Variants in ZDHHC21 observed in about 807,000 individuals in gnomAD.
The protein encoded by ZDHHC21 is zDHHC palmitoyltransferase 21, also known as palmitoyltransferase ZDHHC21.
In ZDHHC21, 15 loss-of-function variants were observed where a neutral mutation model predicts 34.6. That is an observed-to-expected ratio of 0.43 (90% CI 0.29 to 0.67). ZDHHC21 has a LOEUF of 0.67. Ranked by LOEUF, ZDHHC21 falls within the 30% of genes least tolerant of loss-of-function variation. The probability of loss-of-function intolerance (pLI) is 0.14; values close to 1 mark genes in which losing one functional copy is unlikely to be tolerated. For synonymous variants in ZDHHC21, 142 were observed against 101.8 expected (o/e 1.40, Z -2.38); for missense variants, 344 against 327.7 (o/e 1.05, Z -0.38).
intron 7 of ZDHHC21, among the ~76,000 whole-genome samples, chr9:14,652,639 T>C (rs1450560582): frequency 6.6e-6 from 1 of 151,764 alleles, no homozygotes; most frequent in East Asian, 1.9e-4. Context: ...AAGAGAGAAA[T>C]GGAAGAAAAT....
At chr9:14,693,129 CG>C (rs1176679354) in intron 1 of ZDHHC21, 99 bp downstream of exon 1, 6 of 182,196 alleles carry the variant, frequency 3.3e-5, no homozygotes, top group African/African-American at 1.8e-4. Context: ...GAGCGGCGGG[CG>C]GGCCCGGCAG....
intron 5 of ZDHHC21, among the ~76,000 whole-genome samples, chr9:14,664,738 A>T (rs545840046): frequency 2.6e-5 from 4 of 152,146 alleles, no homozygotes; most frequent in Admixed American, 2.0e-4. Context: ...GCAGGGGCAC[A>T]CTGACATCTC....
chr9:14,652,883 T>C (rs1393185506), intron 7 of ZDHHC21, among the ~76,000 whole-genome samples: 2 of 151,988 alleles, frequency 1.3e-5, no homozygotes, highest in East Asian at 3.9e-4. Flanking sequence ...CTTTCTCTTC[T>C]GACCCAGGCA....
At chr9:14,692,798 G>A (rs549568870) in intron 1 of ZDHHC21, among the ~76,000 whole-genome samples, 13 of 142,318 alleles carry the variant, frequency 9.1e-5, no homozygotes, top group Non-Finnish European at 1.4e-4. Flanking sequence ...AAAAGCTCTG[G>A]AATAGCACAG....
At chr9:14,601,300 A>T in the ZDHHC21 span, among the ~76,000 whole-genome samples, 6 of 152,236 alleles carry the variant, frequency 3.9e-5, no homozygotes, top group Non-Finnish European at 8.8e-5. Context: ...AAACCAACTT[A>T]CAAGAAAAAA....
the ZDHHC21 span, among the ~76,000 whole-genome samples, chr9:14,597,024 C>T: frequency 6.6e-6 from 1 of 152,148 alleles, no homozygotes; most frequent in African/African-American, 2.4e-5. Flanking sequence ...GTACACTTTT[C>T]CATTGTGAAC....
rs1823766291 is a variant in ZDHHC21 at position 14,614,014 on chromosome 9, A to C, written c.*4952T>G. 6.6e-6 allele frequency: 1 copy of C among 151,800 alleles called. No homozygotes were observed. The highest frequency in any genetic ancestry group is 2.1e-4 in the South Asian group (1 of 4,828). The allele number at this position is 151,800 out of a possible 1,614,324, so 9.4% of individuals were successfully genotyped here. ...TAAATTCTTTAAGTTAAATAATTCA[A>C]ACTAAATGCTTATATGCACTAACAA... is the stretch of plus-strand genomic sequence containing the variant. On this transcript the variant is annotated 3_prime_UTR_variant, in exon 10 of 10. Transcript: ENST00000380916.
intron 7 of ZDHHC21, among the ~76,000 whole-genome samples, chr9:14,645,168 A>G (rs537672594): frequency 6.6e-6 from 1 of 152,226 alleles, no homozygotes; most frequent in African/African-American, 2.4e-5. Context: ...GGGAATTTAA[A>G]AAAAGGTTAA....
intron 2 of ZDHHC21, among the ~76,000 whole-genome samples, chr9:14,688,847 G>A (rs1167935516): frequency 3.5e-5 from 4 of 113,326 alleles, no homozygotes; most frequent in Non-Finnish European, 7.7e-5. Context: ...GGGTGACAGA[G>A]CGAGACTCTG....
intron 2 of ZDHHC21, among the ~76,000 whole-genome samples, chr9:14,685,802 C>T (rs952099916): frequency 5.3e-5 from 8 of 152,168 alleles, no homozygotes; most frequent in African/African-American, 1.7e-4. Flanking sequence ...TTGGAACCAA[C>T]CCAAATGTTC....
intron 2 of ZDHHC21, among the ~76,000 whole-genome samples, chr9:14,682,014 C>T (rs1254713473): frequency 2.0e-5 from 3 of 152,114 alleles, no homozygotes; most frequent in African/African-American, 7.2e-5. Flanking sequence ...ACCACCAGGC[C>T]TGCCCTACAA....
In ZDHHC21 at chr9:14,616,419, TA is replaced by T. The variant is rs1824170135; in HGVS notation, c.*2546del. ...TTCTTATGAACTAGAAATAACATCA[TA>T]AAAACATGTTCATTTTCATAAAATT... On this transcript the variant is annotated 3_prime_UTR_variant, in exon 10 of 10. Transcript: ENST00000380916. The T allele has an allele frequency of 6.6e-6, 1 of 151,842 alleles. No individual in the cohort carries two copies. The highest frequency in any genetic ancestry group is 1.9e-4 in the East Asian group (1 of 5,182). The allele number at this position is 151,842 out of a possible 1,614,324, so 9.4% of individuals were successfully genotyped here. A position where few individuals can be genotyped will look rare whatever the true frequency, so the allele number is the denominator to read the frequency against.
chr9:14,687,810 C>T (rs894789882), intron 2 of ZDHHC21, among the ~76,000 whole-genome samples: 1 of 150,908 alleles, frequency 6.6e-6, no homozygotes, highest in Non-Finnish European at 1.5e-5. Flanking sequence ...TGAAAGAATA[C>T]AATCTAACAA....
intron 9 of ZDHHC21, 92 bp from the exon 10 acceptor site, chr9:14,619,190 T>A: frequency 7.5e-7 from 1 of 1,329,418 alleles, no homozygotes; most frequent in Non-Finnish European, 1.0e-6. Flanking sequence ...GATCCATTAC[T>A]GGACTCTGAT....
rs569394180 is a variant in ZDHHC21 at position 14,692,449 on chromosome 9, T to G, written c.-225+780A>C. Among the ~76,000 whole-genome samples the G allele has an allele frequency of 2.6e-5, 4 of 152,308 alleles. No individual in the cohort carries two copies. In the South Asian group the frequency reaches 8.3e-4, roughly 32 times the overall value. On this transcript the variant is annotated intron_variant, in intron 1 of 9. Transcript: ENST00000380916. ...GACCCGCCCACAATGACCTTGATTTTTTTTTCTCTTCTACTTTTAGAGACT... is the reference window on the plus strand; with the variant it reads ...GACCCGCCCACAATGACCTTGATTTGTTTTTCTCTTCTACTTTTAGAGACT...
rs1183587441 is a variant in ZDHHC21, at chr9:14,618,324, T to C, written c.*642A>G. The C allele has an allele frequency of 6.6e-6, 1 of 152,512 alleles. No individual in the cohort carries two copies. Among genetic ancestry groups the C allele is most frequent in the Admixed American group, 6.6e-5 (1 of 15,252 alleles). The allele number at this position is 152,512 out of a possible 1,614,324, so 9.4% of individuals were successfully genotyped here. On this transcript the variant is annotated 3_prime_UTR_variant, in exon 10 of 10. Coordinates refer to ENST00000380916, the MANE Select transcript of ZDHHC21 (RefSeq NM_178566.6). Reference sequence around the variant, plus strand: ...TTTCCTTTATAGTAAGGTAGGTAGTTGGTGTTTTACTTCAGTGGTACTTTC... The same window carrying C: ...TTTCCTTTATAGTAAGGTAGGTAGTCGGTGTTTTACTTCAGTGGTACTTTC...
chr9:14,621,615 T>C (rs1216737215), intron 8 of ZDHHC21, among the ~76,000 whole-genome samples: 2 of 152,100 alleles, frequency 1.3e-5, no homozygotes, highest in Admixed American at 6.6e-5. Flanking sequence ...CCTCTAGAAA[T>C]GGCAAATGCT....
At chr9:14,630,851 T>C (rs1234305213) in intron 8 of ZDHHC21, among the ~76,000 whole-genome samples, 1 of 152,232 alleles carries the variant, frequency 6.6e-6, no homozygotes, top group Non-Finnish European at 1.5e-5. Context: ...TTCTCAATAG[T>C]GGGCTTAAAA....
In ZDHHC21 at chr9:14,662,261, TACAGTGATG is replaced by T. The variant is rs1564334154; in HGVS notation, c.310_318del (p.His104_Cys106del). Reference sequence around the variant, plus strand: ...CTCCTCACACAGTGGCCGCAGCGGCTACAGTGATGGGAACGCTTTGGTCTCATCAAATTA... The same window carrying T: ...CTCCTCACACAGTGGCCGCAGCGGCTGGAACGCTTTGGTCTCATCAAATTA... On this transcript the variant is annotated inframe_deletion, in exon 6 of 10. Transcript: ENST00000380916. The T allele has an allele frequency of 3.1e-6, 5 of 1,613,272 alleles. No homozygotes were observed. The highest frequency in any genetic ancestry group is 4.2e-6 in the Non-Finnish European group (5 of 1,179,698).
Sources: gnomAD v4.1 joint callset for allele counts (sites outside exome capture counted in the v4.1 genomes callset) on GRCh38, gnomAD v4.1.1 for gene constraint, MANE v1.5 for transcripts, NCBI Gene and HGNC (gene_info 2026-07-23, HGNC 2026-07-21) for gene names.